MALRD1: variants seen among roughly 807,000 people sequenced by gnomAD.
MALRD1 encodes the protein MAM and LDL-receptor class A domain-containing protein 1.
Under a neutral mutation model 242.1 loss-of-function variants are expected in MALRD1, and 247 were observed. The observed-to-expected ratio is 1.02, with a 90% confidence interval of 0.92 to 1.13. The LOEUF (loss-of-function observed/expected upper bound fraction) is 1.13, where lower values mean the gene tolerates loss of function less well. MALRD1 is among the 50% of genes most tolerant of loss of function. MALRD1 has a pLI of 0.00. For synonymous variants in MALRD1, 995 were observed against 866.6 expected, an observed-to-expected ratio of 1.15 and a Z score of -2.60; for missense variants, 2,989 against 2,533.1, an observed-to-expected ratio of 1.18 and a Z score of -3.86.
At chr10:19,386,579 T>C (rs1281199187) in intron 26 of MALRD1, among the ~76,000 whole-genome samples, 2 of 152,154 alleles carry the variant, frequency 1.3e-5, no homozygotes, top group Admixed American at 6.6e-5. Flanking sequence ...TCAATATACA[T>C]TCTAAATAAC....
chr10:19,699,962 A>G (rs376061008), intron 38 of MALRD1, among the ~76,000 whole-genome samples: 33 of 151,898 alleles, frequency 2.2e-4, no homozygotes, highest in African/African-American at 7.3e-4. Flanking sequence ...AACTATTAAT[A>G]TATCATAGTA....
At chr10:19,476,462 G>A (rs1836738667) in intron 29 of MALRD1, among the ~76,000 whole-genome samples, 2 of 152,034 alleles carry the variant, frequency 1.3e-5, no homozygotes, top group African/African-American at 4.8e-5. Flanking sequence ...TGCCCACTGA[G>A]AGACATACTC....
intron 7 of MALRD1, 102 bp downstream of exon 7, chr10:19,124,772 G>T: frequency 1.1e-6 from 1 of 947,588 alleles, no homozygotes; most frequent in Non-Finnish European, 1.4e-6. Context: ...AATATACTGA[G>T]TATATTTTAT....
At chr10:19,367,972 G>C (rs1349229752) in intron 26 of MALRD1, among the ~76,000 whole-genome samples, 3 of 151,824 alleles carry the variant, frequency 2.0e-5, no homozygotes, top group African/African-American at 7.3e-5. Flanking sequence ...TTATTTTGCT[G>C]TTGAGATATA....
intron 1 of MALRD1, among the ~76,000 whole-genome samples, chr10:19,055,971 A>G (rs551132414): frequency 3.3e-5 from 5 of 152,188 alleles, no homozygotes; most frequent in Admixed American, 6.5e-5. Context: ...ACAAACTTGC[A>G]CATGTACCCT....
At chr10:19,134,986 T>C (rs1367811656) in intron 9 of MALRD1, among the ~76,000 whole-genome samples, 1 of 152,194 alleles carries the variant, frequency 6.6e-6, no homozygotes, top group Non-Finnish European at 1.5e-5. Flanking sequence ...TAATAATTTT[T>C]ACATGTATGA....
chr10:19,669,390 A>G (rs1357301713), intron 36 of MALRD1, among the ~76,000 whole-genome samples: 1 of 152,206 alleles, frequency 6.6e-6, no homozygotes, highest in Non-Finnish European at 1.5e-5. Flanking sequence ...ACTGAGGAAG[A>G]GGAAGACCTG....
intron 38 of MALRD1, among the ~76,000 whole-genome samples, chr10:19,700,821 A>G (rs1242992511): frequency 2.0e-5 from 3 of 152,170 alleles, no homozygotes; most frequent in African/African-American, 7.2e-5. Flanking sequence ...ACCTGCTCTT[A>G]GGACCAAGAT....
In MALRD1 at chr10:19,544,439, A is replaced by C. The variant is rs111994690; in HGVS notation, c.5478+13088A>C. Among the ~76,000 whole-genome samples, 950 of 152,060 alleles carry C rather than the reference A, an allele frequency of 6.2e-3. 8 individuals are homozygous for C. Among genetic ancestry groups the C allele is most frequent in the African/African-American group, 0.019 (800 of 41,480 alleles). On this transcript the variant is annotated intron_variant, in intron 32 of 39. Transcript: ENST00000454679. ...CTGACCTCAAGTGATTCGCCCACCT[A>C]GGCCTCCCAAAGTGTTGGGATTGCA...
In MALRD1 at chr10:19,387,688, G is replaced by A. The variant is rs1846145331; in HGVS notation, c.4602G>A (p.Gln1534=). ...GCTGGTGTGGCTGGCAAAACTCCCA[G>A]GCTGACAACTTTGATTGGGTTTTAG... ...EKGWCGWQNS[Q]ADNFDWVLGV... Residue 1534 remains glutamine, a synonymous_variant, in exon 27 of 40, where the codon CAG becomes CAA. Coordinates refer to ENST00000454679, the MANE Select transcript of MALRD1 (RefSeq NM_001142308.3). 1.9e-6 allele frequency: 3 copies of A among 1,550,346 alleles called. No individual in the cohort carries two copies. The East Asian group carries it at 7.3e-5, about 38-fold the overall frequency.
At chr10:19,244,676 T>A (rs565393950) in intron 18 of MALRD1, among the ~76,000 whole-genome samples, 1 of 152,344 alleles carries the variant, frequency 6.6e-6, no homozygotes, top group African/African-American at 2.4e-5. Context: ...ACTTGCATTT[T>A]CTATGAAGCC....
chr10:19,349,445 C>G (rs549012679), intron 25 of MALRD1, among the ~76,000 whole-genome samples: 2 of 152,154 alleles, frequency 1.3e-5, no homozygotes, highest in African/African-American at 4.8e-5. Flanking sequence ...TCTCATAGAG[C>G]AATTTCATCT....
chr10:19,638,319 C>G (rs1279873192), intron 36 of MALRD1, among the ~76,000 whole-genome samples: 1 of 151,554 alleles, frequency 6.6e-6, no homozygotes, highest in Non-Finnish European at 1.5e-5. Context: ...ACAGGGAAAA[C>G]AAAAGGAGGT....
intron 36 of MALRD1, among the ~76,000 whole-genome samples, chr10:19,632,801 A>G (rs558970503): frequency 8.5e-5 from 13 of 152,196 alleles, no homozygotes; most frequent in Non-Finnish European, 1.9e-4. Flanking sequence ...AAATATGCTG[A>G]AAAAATGTTA....
chr10:19,504,612 C>T (rs1012024194), intron 31 of MALRD1, among the ~76,000 whole-genome samples: 1 of 150,914 alleles, frequency 6.6e-6, no homozygotes, highest in Admixed American at 6.6e-5. Context: ...CACACTCATA[C>T]ACAGACACAC....
chr10:19,079,685 T>C (rs1835423033), intron 2 of MALRD1, among the ~76,000 whole-genome samples: 1 of 151,960 alleles, frequency 6.6e-6, no homozygotes, highest in Non-Finnish European at 1.5e-5. Flanking sequence ...TGTTTATAGT[T>C]TTTATATATT....
At chr10:19,732,748 G>C (rs1483241188) in intron 39 of MALRD1, among the ~76,000 whole-genome samples, 1 of 152,062 alleles carries the variant, frequency 6.6e-6, no homozygotes, top group South Asian at 2.1e-4. Context: ...TACTGAGATG[G>C]ATTCTGTTGC....
chr10:19,399,114 G>A (rs1846714913), intron 28 of MALRD1, among the ~76,000 whole-genome samples: 1 of 152,116 alleles, frequency 6.6e-6, no homozygotes, highest in South Asian at 2.1e-4. Flanking sequence ...GCAATATTGT[G>A]GCTTGTCTAG....
At chr10:19,498,747 G>A in intron 31 of MALRD1, 101 bp downstream of exon 31, 2 of 1,334,916 alleles carry the variant, frequency 1.5e-6, no homozygotes, top group Non-Finnish European at 2.0e-6. Flanking sequence ...TGTGTATGTG[G>A]GGACAGAGCT....
Sources: gnomAD v4.1 joint callset for allele counts (sites outside exome capture counted in the v4.1 genomes callset) on GRCh38, gnomAD v4.1.1 for gene constraint, MANE v1.5 for transcripts, NCBI Gene and HGNC (gene_info 2026-07-23, HGNC 2026-07-21) for gene names.